Variants in MTHFD1 observed in about 807,000 individuals in gnomAD.
MTHFD1 encodes the protein C-1-tetrahydrofolate synthase, cytoplasmic.
Under a neutral mutation model 110.3 loss-of-function variants are expected in MTHFD1, and 44 were observed. That is an observed-to-expected ratio of 0.40 (90% CI 0.31 to 0.51). The LOEUF (loss-of-function observed/expected upper bound fraction) is 0.51. Ranked by LOEUF, MTHFD1 falls within the 20% of genes least tolerant of loss-of-function variation. The probability of loss-of-function intolerance (pLI) is 0.60; values close to 1 mark genes in which losing one functional copy is unlikely to be tolerated. For synonymous variants in MTHFD1, 402 were observed against 428.8 expected (o/e 0.94, Z 0.77); for missense variants, 909 against 1,173.1 (o/e 0.77, Z 3.29).
chr14:64,427,414 A>C lies in MTHFD1; in HGVS notation c.1205A>C (p.Tyr402Ser), dbSNP rs201329901. The C allele has an allele frequency of 7.4e-5, 120 of 1,614,052 alleles. No individual in the cohort carries two copies. Among genetic ancestry groups the C allele is most frequent in the Non-Finnish European group, 9.1e-5 (107 of 1,180,022 alleles). The part of the protein sequence containing the change: ...GLVQALGAHL[Y>S]QNVFACVRQP... ...GTGCAAGCCCTTGGTGCCCATCTCT[A>C]CCAGAATGTCTTTGCGTGTGTGCGA... Residue 402 changes from tyrosine (Y) to serine (S), a missense_variant, in exon 12 of 28, where the codon TAC (tyrosine) becomes TCC (serine). By Grantham distance (144) the Tyr-to-Ser change is moderately radical. This residue lies in a region of MTHFD1 where 424 missense variants were observed against 510.4 expected (regional missense o/e 0.83). Transcript: ENST00000652337.
At position 64,397,178 on chromosome 14, in the gene MTHFD1, TATATATATATATA is replaced by T. The variant is rs1412739655; in HGVS notation, c.42-3613_42-3601del. Among the ~76,000 whole-genome samples the T allele has an allele frequency of 2.9e-3, 44 of 15,310 alleles. 2 individuals are homozygous for T. The highest frequency in any genetic ancestry group is 6.0e-3 in the African/African-American group (17 of 2,826). The allele number at this position is 15,310 out of a possible 152,430, so 10.0% of individuals were successfully genotyped here. On this transcript the variant is annotated intron_variant, in intron 1 of 27. Coordinates refer to ENST00000652337, the MANE Select transcript of MTHFD1 (RefSeq NM_005956.4). ...ATATATATATATATATATATATATA[TATATATATATATA>T]AAAAACAGTAATCTATTGGGGCAGG...
intron 1 of MTHFD1, among the ~76,000 whole-genome samples, chr14:64,394,196 C>T (rs1419150616): frequency 1.3e-5 from 2 of 152,128 alleles, no homozygotes; most frequent in African/African-American, 2.4e-5. Flanking sequence ...CTCAGCCACT[C>T]GGCTACTACC....
intron 18 of MTHFD1, chr14:64,440,865 C>T (rs80318983): frequency 0.073 from 17,065 of 233,326 alleles, 896 homozygotes; most frequent in East Asian, 0.21. Flanking sequence ...CATGTTTTTC[C>T]AGATATTACA....
At chr14:64,451,376 A>G (rs889682048) in intron 24 of MTHFD1, among the ~76,000 whole-genome samples, 1 of 152,206 alleles carries the variant, frequency 6.6e-6, no homozygotes, top group Non-Finnish European at 1.5e-5. Flanking sequence ...ATAAAAAAGC[A>G]GAAGGAATAA....
At chr14:64,408,942 C>T (rs946000201) in intron 2 of MTHFD1, among the ~76,000 whole-genome samples, 7 of 152,034 alleles carry the variant, frequency 4.6e-5, no homozygotes, top group Admixed American at 2.6e-4. Flanking sequence ...GAGTAAGACC[C>T]TGTCTCAAAA....
At chr14:64,418,170 A>G in intron 7 of MTHFD1, 146 bp downstream of exon 7, 1 of 1,057,640 alleles carries the variant, frequency 9.5e-7, no homozygotes, top group Non-Finnish European at 1.4e-6. Context: ...TTAAAGGCTG[A>G]GTGGGGTGGC....
At chr14:64,443,898 G>A (rs559822107) in intron 21 of MTHFD1, among the ~76,000 whole-genome samples, 23 of 152,200 alleles carry the variant, frequency 1.5e-4, no homozygotes, top group African/African-American at 4.8e-4. Context: ...GCTTGCTGAC[G>A]GGAAGCTACC....
At chr14:64,399,164 G>C (rs2077878575) in intron 1 of MTHFD1, among the ~76,000 whole-genome samples, 1 of 152,208 alleles carries the variant, frequency 6.6e-6, no homozygotes, top group Non-Finnish European at 1.5e-5. Flanking sequence ...TGAGCAAAAG[G>C]TGTGTGCTTG....
chr14:64,412,547 G>A (rs1228831764), intron 4 of MTHFD1, 22 bp downstream of exon 4: 3 of 1,597,470 alleles, frequency 1.9e-6, no homozygotes, highest in African/African-American at 1.3e-5. Context: ...TGAGTTGATT[G>A]TGAAGAGGGA....
At chr14:64,397,301 T>C (rs1293425107) in intron 1 of MTHFD1, among the ~76,000 whole-genome samples, 1 of 147,812 alleles carries the variant, frequency 6.8e-6, no homozygotes, top group Non-Finnish European at 1.5e-5. Flanking sequence ...TTTGTTTGTT[T>C]GTTTGTTTTG....
chr14:64,391,413 C>T (rs771182275), intron 1 of MTHFD1, among the ~76,000 whole-genome samples: 17 of 152,222 alleles, frequency 1.1e-4, no homozygotes, highest in Non-Finnish European at 1.8e-4. Context: ...GATCTGTCCA[C>T]CTCCACCTCC....
chr14:64,392,815 AC>A (rs2077817349), intron 1 of MTHFD1, among the ~76,000 whole-genome samples: 1 of 152,184 alleles, frequency 6.6e-6, no homozygotes, highest in Non-Finnish European at 1.5e-5. Context: ...ATAAATAGGT[AC>A]TTAGAAAGTA....
chr14:64,437,307 T>C (rs2078213812), intron 16 of MTHFD1, among the ~76,000 whole-genome samples: 1 of 152,252 alleles, frequency 6.6e-6, no homozygotes, highest in African/African-American at 2.4e-5. Flanking sequence ...AACTCTGTTC[T>C]AAAACATATT....
chr14:64,428,949 C>T (rs1166712619), intron 12 of MTHFD1, among the ~76,000 whole-genome samples: 1 of 152,238 alleles, frequency 6.6e-6, no homozygotes, highest in Non-Finnish European at 1.5e-5. Flanking sequence ...CCTTGTTCTG[C>T]TTATTGAACC....
rs370001016 is a variant in MTHFD1 at position 64,415,358 on chromosome 14, G to A, written c.241G>A (p.Val81Met). The A allele has an allele frequency of 6.2e-7, 1 of 1,606,822 alleles. No individual in the cohort carries two copies. Among genetic ancestry groups the A allele is most frequent in the Non-Finnish European group, 8.5e-7 (1 of 1,173,318 alleles). Residue 81 changes from valine (V) to methionine (M), a missense_variant and splice_region_variant, in exon 5 of 28, where the codon GTG becomes ATG. Val to Met is a conservative substitution (Grantham distance 21). This residue lies in a region of MTHFD1 where 424 missense variants were observed against 510.4 expected (regional missense o/e 0.83). Coordinates refer to ENST00000652337, the MANE Select transcript of MTHFD1 (RefSeq NM_005956.4). ...AAATTATATATGGTATTACTTTTAG[G>A]TGATGAAGTACATTACATCTTTGAA... ...KLPRTTTESE[V>M]MKYITSLNED...
intron 15 of MTHFD1, 79 bp from the exon 16 acceptor site, chr14:64,435,490 T>C: frequency 1.1e-6 from 1 of 875,684 alleles, no homozygotes; most frequent in Non-Finnish European, 2.0e-6. Flanking sequence ...CATTTAGAGG[T>C]AGGGGTCAAA....
intron 1 of MTHFD1, chr14:64,389,032 G>A (rs2140937598): frequency 6.4e-6 from 1 of 155,184 alleles, no homozygotes; most frequent in East Asian, 1.9e-4. Context: ...AGAGTTACTT[G>A]AAACGTAATT....
chr14:64,446,242 A>G (rs906130184), intron 22 of MTHFD1, among the ~76,000 whole-genome samples: 2 of 152,182 alleles, frequency 1.3e-5, no homozygotes, highest in African/African-American at 2.4e-5. Context: ...TTCATGAATT[A>G]TATACATGTA....
At chr14:64,434,398 A>T (rs1460553715) in intron 15 of MTHFD1, among the ~76,000 whole-genome samples, 1 of 152,132 alleles carries the variant, frequency 6.6e-6, no homozygotes, top group African/African-American at 2.4e-5. Flanking sequence ...AAAAAAATTT[A>T]AAAACGAGCC....
Sources: gnomAD v4.1 joint callset for allele counts (sites outside exome capture counted in the v4.1 genomes callset) on GRCh38, gnomAD v4.1.1 for gene constraint, gnomAD v4.1.1 regional missense constraint, MANE v1.5 for transcripts, NCBI Gene and HGNC (gene_info 2026-07-23, HGNC 2026-07-21) for gene names.